SDK1: variants seen among roughly 807,000 people sequenced by gnomAD.
SDK1 encodes the protein sidekick cell adhesion molecule 1, also known as protein sidekick-1.
In SDK1, 157 loss-of-function variants were observed where a neutral mutation model predicts 245.5. The ratio of observed to expected loss-of-function variants is 0.64; its 90% CI spans 0.56 to 0.73. The LOEUF is 0.73. SDK1 is among the 30% of genes least tolerant of loss of function. The pLI, the probability that SDK1 is intolerant of heterozygous loss-of-function variation, is 0.00. For synonymous variants in SDK1, 1,647 were observed against 1,278.5 expected (o/e 1.29, Z -6.15); for missense variants, 3,583 against 3,002.3 (o/e 1.19, Z -4.52).
intron 1 of SDK1, among the ~76,000 whole-genome samples, chr7:3,531,927 C>T (rs1783360716): frequency 1.3e-5 from 2 of 152,152 alleles, no homozygotes; most frequent in African/African-American, 4.8e-5. Flanking sequence ...ACTAAAGTAG[C>T]AGGTTCAGTA....
chr7:3,916,629 G>A (rs932449798), intron 5 of SDK1, among the ~76,000 whole-genome samples: 2 of 152,168 alleles, frequency 1.3e-5, no homozygotes, highest in African/African-American at 4.8e-5. Flanking sequence ...AATTATTTCT[G>A]TTTGCCTGTA....
In SDK1 at chr7:3,962,734, C is replaced by T. The variant is rs749961381; in HGVS notation, c.1312C>T (p.Leu438Phe). The T allele has an allele frequency of 8.7e-6, 14 of 1,613,732 alleles. No homozygotes were observed. The highest frequency in any genetic ancestry group is 1.2e-5 in the Non-Finnish European group (14 of 1,179,850). ...SRLQNPRYKV[L>F]ASGGLRIQKL... The stretch of plus-strand genomic sequence containing the variant: ...GCTCCAGAATCCTCGATACAAAGTG[C>T]TCGCCAGCGGAGGCCTGCGCATCCA... Residue 438 changes from leucine (L) to phenylalanine (F), a missense_variant, in exon 9 of 45, where the codon CTC becomes TTC. By Grantham distance (22) the Leu-to-Phe change is conservative (BLOSUM62 0). Transcript: ENST00000404826.
At chr7:3,936,991 G>T (rs950676164) in intron 5 of SDK1, among the ~76,000 whole-genome samples, 2 of 152,220 alleles carry the variant, frequency 1.3e-5, no homozygotes, top group Non-Finnish European at 2.9e-5. Flanking sequence ...AACTCGGAGA[G>T]GCTGTGAAAG....
chr7:3,464,485 C>T (rs1016442365), intron 1 of SDK1, among the ~76,000 whole-genome samples: 1 of 152,172 alleles, frequency 6.6e-6, no homozygotes, highest in Non-Finnish European at 1.5e-5. Context: ...TTCGCCACTG[C>T]ACTCCAGCCT....
At chr7:3,636,152 A>G (rs58053594) in intron 2 of SDK1, among the ~76,000 whole-genome samples, 3,615 of 152,270 alleles carry the variant, frequency 0.024, 150 homozygotes, top group African/African-American at 0.082. Context: ...TCACCACTAT[A>G]TGTGGCATAA....
chr7:3,366,791 G>A (rs957523199), intron 1 of SDK1, among the ~76,000 whole-genome samples: 11 of 151,918 alleles, frequency 7.2e-5, no homozygotes, highest in Non-Finnish European at 1.6e-4. Flanking sequence ...CACCAGGTTG[G>A]AGTGCAGTGG....
chr7:3,510,348 G>A (rs1024586577), intron 1 of SDK1, among the ~76,000 whole-genome samples: 1 of 152,150 alleles, frequency 6.6e-6, no homozygotes, highest in Non-Finnish European at 1.5e-5. Context: ...GTCACAGTAG[G>A]TATTACTGAA....
intron 4 of SDK1, among the ~76,000 whole-genome samples, chr7:3,710,756 C>T (rs547623016): frequency 2.2e-4 from 33 of 152,326 alleles, no homozygotes; most frequent in Non-Finnish European, 2.2e-4. Flanking sequence ...GGCCAACAAT[C>T]TTGGCAGCCA....
At chr7:4,204,976 TGCGGCC>T (rs1784121068) in intron 35 of SDK1, among the ~76,000 whole-genome samples, 7 of 152,046 alleles carry the variant, frequency 4.6e-5, no homozygotes, top group East Asian at 1.9e-4. Context: ...GGTGCGGAGG[TGCGGCC>T]ACACCCCTAA....
intron 35 of SDK1, among the ~76,000 whole-genome samples, chr7:4,180,070 G>A (rs2128219501): frequency 6.6e-6 from 1 of 152,232 alleles, no homozygotes; most frequent in African/African-American, 2.4e-5. Flanking sequence ...TCAGCAAGCG[G>A]TAGGGAAGCC....
chr7:3,402,920 A>G (rs1425439624), intron 1 of SDK1, among the ~76,000 whole-genome samples: 1 of 151,950 alleles, frequency 6.6e-6, no homozygotes, highest in African/African-American at 2.4e-5. Flanking sequence ...TATGAATTAG[A>G]TGAAACATTT....
chr7:3,644,782 A>AAAAAAC (rs1782770132), intron 4 of SDK1, among the ~76,000 whole-genome samples: 2 of 141,334 alleles, frequency 1.4e-5, no homozygotes, highest in African/African-American at 2.6e-5. Context: ...CCAAAAAAAA[A>AAAAAAC]AAAAAAAAAA....
intron 4 of SDK1, among the ~76,000 whole-genome samples, chr7:3,745,991 C>G (rs932644010): frequency 6.6e-6 from 1 of 152,212 alleles, no homozygotes; most frequent in Non-Finnish European, 1.5e-5. Flanking sequence ...CTTAACCTCT[C>G]TGTAGAGGTT....
intron 1 of SDK1, among the ~76,000 whole-genome samples, chr7:3,616,573 A>G (rs1781779321): frequency 6.6e-6 from 1 of 152,114 alleles, no homozygotes. Flanking sequence ...ACTAGGTTAA[A>G]TCTCCTACTG....
intron 1 of SDK1, among the ~76,000 whole-genome samples, chr7:3,614,017 A>G (rs764045499): frequency 6.6e-5 from 10 of 152,166 alleles, no homozygotes; most frequent in African/African-American, 9.6e-5. Context: ...AAGAGTAACA[A>G]TGGATACTAG....
intron 1 of SDK1, among the ~76,000 whole-genome samples, chr7:3,436,519 C>G (rs779808411): frequency 1.4e-4 from 21 of 151,834 alleles, no homozygotes; most frequent in Non-Finnish European, 2.5e-4. Flanking sequence ...AGGAGTTTTG[C>G]TGTGTTTTTA....
intron 11 of SDK1, among the ~76,000 whole-genome samples, chr7:3,970,416 T>C (rs1782395070): frequency 6.6e-6 from 1 of 152,214 alleles, no homozygotes; most frequent in Admixed American, 6.5e-5. Context: ...AAAAGCAGCT[T>C]TTGTTCCATT....
chr7:3,660,850 A>T (rs761701249), intron 4 of SDK1, among the ~76,000 whole-genome samples: 1 of 152,220 alleles, frequency 6.6e-6, no homozygotes, highest in South Asian at 2.1e-4. Flanking sequence ...TTCTTCTTCA[A>T]TCTAGACTTG....
chr7:4,084,734 G>GTTA, intron 22 of SDK1, among the ~76,000 whole-genome samples: 1 of 121,526 alleles, frequency 8.2e-6, no homozygotes, highest in South Asian at 2.7e-4. Context: ...ATGTTATGTT[G>GTTA]TTACTTAAAT....
Sources: allele counts gnomAD v4.1 joint callset (sites outside exome capture counted in the v4.1 genomes callset), GRCh38; gene constraint gnomAD v4.1.1; transcripts MANE v1.5; gene names NCBI Gene and HGNC (gene_info 2026-07-23, HGNC 2026-07-21).